Variants in ABCD3 observed in about 807,000 individuals in gnomAD.
ABCD3 encodes ATP binding cassette subfamily D member 3.
In ABCD3, 41 loss-of-function variants were observed where a neutral mutation model predicts 105.5. That is an observed-to-expected ratio of 0.39 (90% confidence interval 0.30 to 0.50). The LOEUF is 0.50. Ranked by LOEUF, ABCD3 falls within the 20% of genes least tolerant of loss-of-function variation. The probability of loss-of-function intolerance (pLI) is 0.84; values close to 1 mark genes in which losing one functional copy is unlikely to be tolerated. For synonymous variants in ABCD3, 258 were observed against 269.0 expected (o/e 0.96, Z 0.40); for missense variants, 622 against 806.3 (o/e 0.77, Z 2.77).
chr1:94,510,727 C>G (rs1291472032), intron 21 of ABCD3, among the ~76,000 whole-genome samples: 2 of 151,554 alleles, frequency 1.3e-5, no homozygotes, highest in Non-Finnish European at 3.0e-5. Context: ...TTGAATTGAT[C>G]CCTTTACCAT....
intron 10 of ABCD3, among the ~76,000 whole-genome samples, chr1:94,485,667 C>T (rs1649244572): frequency 6.6e-6 from 1 of 152,160 alleles, no homozygotes; most frequent in Non-Finnish European, 1.5e-5. Context: ...TTGTTTTAAT[C>T]ATCATCTTTC....
At chr1:94,479,676 T>C (rs1373729976) in intron 8 of ABCD3, among the ~76,000 whole-genome samples, 2 of 152,090 alleles carry the variant, frequency 1.3e-5, no homozygotes, top group African/African-American at 4.8e-5. Flanking sequence ...TAAACATCCA[T>C]TAGATTATGT....
chr1:94,455,535 G>T (rs1353151507), intron 1 of ABCD3, among the ~76,000 whole-genome samples: 1 of 152,086 alleles, frequency 6.6e-6, no homozygotes, highest in Non-Finnish European at 1.5e-5. Context: ...ATGTCAGTCA[G>T]GCTGGTCTCA....
At chr1:94,404,984 C>G in the ABCD3 span, among the ~76,000 whole-genome samples, 1 of 151,136 alleles carries the variant, frequency 6.6e-6, no homozygotes, top group Non-Finnish European at 1.5e-5. Flanking sequence ...AGAAATCTTC[C>G]CTATTATAGT....
chr1:94,484,142 G>A (rs967585311), intron 10 of ABCD3, among the ~76,000 whole-genome samples: 7 of 151,856 alleles, frequency 4.6e-5, no homozygotes, highest in Non-Finnish European at 7.4e-5. Context: ...AGGAAACAAC[G>A]TGCTGGAGAG....
chr1:94,475,842 A>G (rs558280200), intron 7 of ABCD3, 105 bp downstream of exon 7: 2 of 871,186 alleles, frequency 2.3e-6, no homozygotes, highest in Non-Finnish European at 3.6e-6. Context: ...GCAGCATGTA[A>G]ATATTTAATG....
chr1:94,386,522 G>T, the ABCD3 span, among the ~76,000 whole-genome samples: 3 of 152,198 alleles, frequency 2.0e-5, no homozygotes, highest in African/African-American at 7.2e-5. Flanking sequence ...ATGCAAAGCT[G>T]AACTTTAATC....
chr1:94,461,625 T>C (rs1454225753), intron 2 of ABCD3, among the ~76,000 whole-genome samples: 2 of 152,112 alleles, frequency 1.3e-5, no homozygotes, highest in African/African-American at 4.8e-5. Flanking sequence ...ACCTGCTCTT[T>C]CATATTCTGT....
In ABCD3 at chr1:94,448,699, C is replaced by A. The variant is rs564107220; in HGVS notation, c.111-9908C>A. 7.9e-5 allele frequency among the ~76,000 whole-genome samples: 12 copies of A among 152,276 alleles called. No homozygotes were observed. The South Asian group carries it at 2.5e-3, about 32-fold the overall frequency. ...AAACGTCACCTTTTGCAGTGTTTTG[C>A]GGTGATGGGCATTCCAGCTTCTATT... On this transcript the variant is annotated intron_variant, in intron 1 of 22. Coordinates refer to ENST00000370214, the MANE Select transcript of ABCD3 (RefSeq NM_002858.4).
chr1:94,494,932 T>C (rs1649723929), intron 16 of ABCD3, among the ~76,000 whole-genome samples: 1 of 151,956 alleles, frequency 6.6e-6, no homozygotes, highest in African/African-American at 2.4e-5. Flanking sequence ...TACAAAAAAA[T>C]TAGCTAGGTG....
chr1:94,418,838 G>C, intron 1 of ABCD3: 1 of 545,594 alleles, frequency 1.8e-6, no homozygotes, highest in East Asian at 3.2e-5. Context: ...GCCCGCGGGC[G>C]AACCGGCGCC....
rs1649333463 is a variant in ABCD3 at position 94,487,589 on chromosome 1, C to T, written c.945C>T (p.Phe315=). 6.2e-7 allele frequency: 1 copy of T among 1,613,740 alleles called. No individual in the cohort carries two copies. Among genetic ancestry groups the T allele is most frequent in the Non-Finnish European group, 8.5e-7 (1 of 1,179,844 alleles). ...TTTTGTTTCGGTTTTCAATGGGCTT[C>T]ATTGATAGTATTATTGCCAAATGTA... ...NFILFRFSMG[F]IDSIIAKYLA... Residue 315 remains phenylalanine, a synonymous_variant, in exon 11 of 23, where the codon TTC becomes TTT. Transcript: ENST00000370214.
chr1:94,404,536 A>G, the ABCD3 span, among the ~76,000 whole-genome samples: 1 of 151,686 alleles, frequency 6.6e-6, no homozygotes, highest in Non-Finnish European at 1.5e-5. Flanking sequence ...ATTCTTATTC[A>G]TTGAATTTCA....
At chr1:94,505,418 G>C (rs1650307067) in intron 20 of ABCD3, among the ~76,000 whole-genome samples, 1 of 143,754 alleles carries the variant, frequency 7.0e-6, no homozygotes, top group African/African-American at 2.6e-5. Context: ...TCCCTGTGTT[G>C]CCTGGGCTGG....
rs77903389 is a variant in ABCD3 at position 94,515,033 on chromosome 1, T to A, written c.1846-113T>A. On this transcript the variant is annotated intron_variant, in intron 21 of 22. Coordinates refer to ENST00000370214, the MANE Select transcript of ABCD3 (RefSeq NM_002858.4). ...GTTGTAAATTTTTTCTCATTGACAT[T>A]GCTTTTTAACTTTAGTCACTGAAGA... The A allele has an allele frequency of 1.4e-3, 1,175 of 831,688 alleles. 7 individuals are homozygous for A. In the African/African-American group the frequency reaches 0.018, roughly 12 times the overall value. The allele number at this position is 831,688 out of a possible 1,614,324, so 51.5% of individuals were successfully genotyped here.
intron 1 of ABCD3, among the ~76,000 whole-genome samples, chr1:94,438,652 C>T (rs188530254): frequency 6.6e-6 from 1 of 152,146 alleles, no homozygotes; most frequent in Non-Finnish European, 1.5e-5. Context: ...CCACAGCCAC[C>T]CCAGCCTTCA....
intron 1 of ABCD3, among the ~76,000 whole-genome samples, chr1:94,448,294 T>C (rs943580679): frequency 1.3e-5 from 2 of 152,234 alleles, no homozygotes; most frequent in Admixed American, 6.5e-5. Flanking sequence ...AGCAAGCTTT[T>C]ATAAATAGTC....
chr1:94,503,964 G>A (rs1650231651), intron 20 of ABCD3, among the ~76,000 whole-genome samples: 1 of 141,420 alleles, frequency 7.1e-6, no homozygotes, highest in South Asian at 2.2e-4. Context: ...CGAAGCTGGA[G>A]TACACTGGCA....
intron 8 of ABCD3, among the ~76,000 whole-genome samples, chr1:94,479,080 C>T (rs1648905118): frequency 6.6e-6 from 1 of 151,974 alleles, no homozygotes; most frequent in Non-Finnish European, 1.5e-5. Context: ...TAAATTATTT[C>T]CATACTGGTT....
Sources: allele counts gnomAD v4.1 joint callset (sites outside exome capture counted in the v4.1 genomes callset), GRCh38; gene constraint gnomAD v4.1.1; transcripts MANE v1.5; gene names NCBI Gene and HGNC (gene_info 2026-07-23, HGNC 2026-07-21).